Variants in FAM3C observed in about 807,000 individuals in gnomAD.
FAM3C encodes FAM3 metabolism regulating signaling molecule C, also known as protein FAM3C.
FAM3C carries 15 observed loss-of-function variants against 32.5 expected under a neutral mutation model. That is an observed-to-expected ratio of 0.46 (90% CI 0.31 to 0.71). The LOEUF is 0.71. Ranked by LOEUF, FAM3C falls within the 30% of genes least tolerant of loss-of-function variation. The probability of loss-of-function intolerance (pLI) is 0.05; values close to 1 mark genes in which losing one functional copy is unlikely to be tolerated. For missense variants in FAM3C, 175 were observed against 274.4 expected (o/e 0.64, Z 2.56); for synonymous variants, 75 against 86.1 (o/e 0.87, Z 0.72).
intron 3 of FAM3C, among the ~76,000 whole-genome samples, chr7:121,373,657 G>A (rs1419130917): frequency 6.6e-6 from 1 of 152,106 alleles, no homozygotes; most frequent in Non-Finnish European, 1.5e-5. Flanking sequence ...AATGTCTCAA[G>A]TAATTTATGT....
intron 5 of FAM3C, among the ~76,000 whole-genome samples, chr7:121,366,361 A>G (rs1794023985): frequency 6.6e-6 from 1 of 152,132 alleles, no homozygotes. Context: ...TCAGACATAA[A>G]AGGAATGAAG....
intron 2 of FAM3C, among the ~76,000 whole-genome samples, chr7:121,382,549 G>GT (rs3068115): frequency 0.029 from 3,800 of 130,730 alleles, 86 homozygotes; most frequent in Non-Finnish European, 0.037. Flanking sequence ...CAGTCTTTAG[G>GT]TTTTTTTTTT....
At chr7:121,391,331 TA>T (rs2116974489) in intron 1 of FAM3C, among the ~76,000 whole-genome samples, 1 of 152,254 alleles carries the variant, frequency 6.6e-6, no homozygotes. Flanking sequence ...GAGAGATGGA[TA>T]GATGAATGAA....
At chr7:121,381,119 A>G (rs1019362014) in intron 2 of FAM3C, among the ~76,000 whole-genome samples, 1 of 152,162 alleles carries the variant, frequency 6.6e-6, no homozygotes, top group African/African-American at 2.4e-5. Context: ...CCCATTCTGG[A>G]CTTGATGGGG....
chr7:121,354,761 A>G (rs1490401539), intron 8 of FAM3C, among the ~76,000 whole-genome samples: 1 of 152,216 alleles, frequency 6.6e-6, no homozygotes, highest in Non-Finnish European at 1.5e-5. Context: ...GACTTTAAAG[A>G]GAACATATTA....
At chr7:121,360,362 G>A (rs1169730681) in intron 7 of FAM3C, among the ~76,000 whole-genome samples, 5 of 152,046 alleles carry the variant, frequency 3.3e-5, no homozygotes, top group South Asian at 2.1e-4. Context: ...TGTGTCTTTC[G>A]TATTGATATT....
chr7:121,396,074 AGTC>A (rs563478022), intron 1 of FAM3C, 85 bp downstream of exon 1: 2 of 151,656 alleles, frequency 1.3e-5, no homozygotes, highest in South Asian at 4.2e-4. Flanking sequence ...CGGAGGCTGA[AGTC>A]GTAGGTGGGC....
In FAM3C at chr7:121,376,158, A is replaced by G. The variant is rs117919685; in HGVS notation, c.118+2752T>C. Among the ~76,000 whole-genome samples, 67 of 152,364 alleles carry G rather than the reference A, an allele frequency of 4.4e-4. No homozygotes were observed. The East Asian group carries it at 0.011, about 25-fold the overall frequency. ...TAGAAGTACACAGACCAGAACAAGT[A>G]AAGTAAAATCTCACTATACTTTGCA... On this transcript the variant is annotated intron_variant, in intron 3 of 9. Transcript: ENST00000359943.
At position 121,350,038 on chromosome 7, in the gene FAM3C, A is replaced by G. The variant is rs1793670758; in HGVS notation, c.*423T>C. The G allele has an allele frequency of 6.2e-6, 1 of 160,642 alleles. No homozygotes were observed. The highest frequency in any genetic ancestry group is 6.6e-5 in the Admixed American group (1 of 15,096). 10.0% of individuals were successfully genotyped at this position (160,642 alleles called of 1,614,324 possible). ...CAAATCTCTTTTTAATTTAAAAGAT[A>G]ATGTCATCACAACGCAACATATAGA... On this transcript the variant is annotated 3_prime_UTR_variant, in exon 10 of 10. Transcript: ENST00000359943.
In FAM3C at chr7:121,390,853, CGGGGGGGGGGGGG is replaced by C. The variant is rs58750532; in HGVS notation, c.-42+5296_-42+5308del. On this transcript the variant is annotated intron_variant, in intron 1 of 9. Transcript: ENST00000359943. Reference sequence around the variant, plus strand: ...CACACACAGGAAAGGCTGTGTGGGGCGGGGGGGGGGGGGGGGGGGAAGGTAAGGCAGATCTAAA... The same window carrying C: ...CACACACAGGAAAGGCTGTGTGGGGCGGGGGGAAGGTAAGGCAGATCTAAA... Among the ~76,000 whole-genome samples, 70 of 7,462 alleles carry C rather than the reference CGGGGGGGGGGGGG, an allele frequency of 9.4e-3. 22 individuals are homozygous for C. The highest frequency in any genetic ancestry group is 0.056 in the Middle Eastern group (1 of 18). The allele number at this position is 7,462 out of a possible 152,430, so 4.9% of individuals were successfully genotyped here.
chr7:121,388,235 A>AACACACAC (rs10676450), intron 1 of FAM3C, among the ~76,000 whole-genome samples: 19,216 of 147,760 alleles, frequency 0.13, 1,329 homozygotes, highest in Non-Finnish European at 0.16. Flanking sequence ...CCACCATTTT[A>AACACACAC]ACACACACAC....
chr7:121,380,278 A>AT (rs1335837322), intron 2 of FAM3C: 8 of 152,236 alleles, frequency 5.3e-5, no homozygotes, highest in African/African-American at 1.7e-4. Flanking sequence ...TAAAACAGTC[A>AT]TATGAAAACT....
chr7:121,370,537 T>C (rs1189602565), intron 5 of FAM3C, among the ~76,000 whole-genome samples: 1 of 152,198 alleles, frequency 6.6e-6, no homozygotes, highest in Non-Finnish European at 1.5e-5. Flanking sequence ...GGCAATAGCA[T>C]ATTAAAAGCA....
intron 1 of FAM3C, among the ~76,000 whole-genome samples, chr7:121,394,381 A>G (rs899243884): frequency 6.6e-6 from 1 of 152,232 alleles, no homozygotes; most frequent in South Asian, 2.1e-4. Context: ...AGCAATCCAC[A>G]TTAAAAATCT....
chr7:121,395,192 TGGATACATACATATATAC>T (rs1256762978), intron 1 of FAM3C, among the ~76,000 whole-genome samples: 4 of 151,064 alleles, frequency 2.6e-5, no homozygotes, highest in South Asian at 2.1e-4. Flanking sequence ...TATGGATACA[TGGATACATACATATATAC>T]GGATACATAC....
At chr7:121,378,713 T>C (rs1026324545) in intron 3 of FAM3C, among the ~76,000 whole-genome samples, 197 bp downstream of exon 3, 4 of 151,540 alleles carry the variant, frequency 2.6e-5, no homozygotes, top group Admixed American at 6.6e-5. Context: ...AAATGTTGAA[T>C]AGAAGATTCA....
At chr7:121,379,775 G>C (rs1794313846) in intron 2 of FAM3C, among the ~76,000 whole-genome samples, 1 of 152,174 alleles carries the variant, frequency 6.6e-6, no homozygotes, top group Admixed American at 6.5e-5. Flanking sequence ...GAGCGGGACA[G>C]GGAGTATGTA....
intron 5 of FAM3C, among the ~76,000 whole-genome samples, chr7:121,365,961 T>C (rs1267506824): frequency 6.6e-6 from 1 of 152,160 alleles, no homozygotes. Context: ...AAAAACATGC[T>C]AGACACCACT....
At chr7:121,377,062 G>C (rs1311737652) in intron 3 of FAM3C, among the ~76,000 whole-genome samples, 1 of 152,012 alleles carries the variant, frequency 6.6e-6, no homozygotes, top group African/African-American at 2.4e-5. Flanking sequence ...TCATGGGAGG[G>C]ACCTAGTGGG....
Sources: allele counts gnomAD v4.1 joint callset (sites outside exome capture counted in the v4.1 genomes callset), GRCh38; gene constraint gnomAD v4.1.1; transcripts MANE v1.5; gene names NCBI Gene and HGNC (gene_info 2026-07-23, HGNC 2026-07-21).